Variants in DLC1 observed in about 807,000 individuals in gnomAD.
DLC1 encodes the protein DLC1 Rho GTPase activating protein, also known as rho GTPase-activating protein 7.
In DLC1, 54 loss-of-function variants were observed where a neutral mutation model predicts 140.3. The observed-to-expected ratio is 0.38, with a 90% confidence interval of 0.31 to 0.48. The LOEUF (loss-of-function observed/expected upper bound fraction) is 0.48, where lower values mean the gene tolerates loss of function less well. Ranked by LOEUF, DLC1 falls within the 20% of genes least tolerant of loss-of-function variation. The pLI, the probability that DLC1 is intolerant of heterozygous loss-of-function variation, is 0.96. For synonymous variants in DLC1, 986 were observed against 728.1 expected (o/e 1.35, Z -5.70); for missense variants, 2,536 against 1,907.0 (o/e 1.33, Z -6.14).
At chr8:13,142,370 A>G (rs1455731302) in intron 5 of DLC1, among the ~76,000 whole-genome samples, 1 of 152,214 alleles carries the variant, frequency 6.6e-6, no homozygotes, top group Non-Finnish European at 1.5e-5. Flanking sequence ...TTCCTGAACA[A>G]ACAGCTATTT....
intron 5 of DLC1, among the ~76,000 whole-genome samples, chr8:13,192,791 G>T (rs1826837505): frequency 6.6e-6 from 1 of 152,322 alleles, no homozygotes; most frequent in African/African-American, 2.4e-5. Flanking sequence ...TGCACAAAGG[G>T]ATGACCCTCT....
chr8:13,269,465 G>A (rs1442206395), intron 5 of DLC1, among the ~76,000 whole-genome samples: 1 of 152,044 alleles, frequency 6.6e-6, no homozygotes, highest in Non-Finnish European at 1.5e-5. Flanking sequence ...GGGCACAGTG[G>A]CTTGTGCCTG....
rs139875118 is a variant in DLC1, at chr8:13,110,392, C to G, written c.1502+350G>C. 1.4e-3 allele frequency among the ~76,000 whole-genome samples: 220 copies of G among 152,220 alleles called. 1 individual carries two copies. The highest frequency in any genetic ancestry group is 5.1e-3 in the African/African-American group (212 of 41,516). ...ATGATGCTCCTGTCTTTATATGCCA[C>G]CCCCCATTTATTCCTCTGAACATGC... On this transcript the variant is annotated intron_variant, in intron 7 of 17. Coordinates refer to ENST00000276297, the MANE Select transcript of DLC1 (RefSeq NM_182643.3).
At chr8:13,272,622 G>A (rs746621710) in intron 5 of DLC1, among the ~76,000 whole-genome samples, 2 of 152,142 alleles carry the variant, frequency 1.3e-5, no homozygotes, top group Non-Finnish European at 2.9e-5. Context: ...AGCACTTTGG[G>A]AGGCCGAGGC....
intron 2 of DLC1, among the ~76,000 whole-genome samples, chr8:13,430,628 C>A (rs542069426): frequency 1.2e-3 from 189 of 152,282 alleles, no homozygotes; most frequent in Non-Finnish European, 1.1e-3. Context: ...AACATAGTTT[C>A]TCCATTGAAC....
At chr8:13,151,235 G>GT (rs1563111839) in intron 5 of DLC1, among the ~76,000 whole-genome samples, 1 of 152,206 alleles carries the variant, frequency 6.6e-6, no homozygotes, top group Non-Finnish European at 1.5e-5. Context: ...TCCTCACTCT[G>GT]TCAATTTAAT....
At chr8:13,118,611 A>G (rs1452948231) in intron 5 of DLC1, among the ~76,000 whole-genome samples, 1 of 152,222 alleles carries the variant, frequency 6.6e-6, no homozygotes, top group East Asian at 1.9e-4. Flanking sequence ...AAAATGGAAT[A>G]CTTGTTGACC....
chr8:13,452,618 T>A (rs967279253), intron 2 of DLC1, among the ~76,000 whole-genome samples: 2 of 152,202 alleles, frequency 1.3e-5, no homozygotes, highest in African/African-American at 4.8e-5. Context: ...TTCAGTACAT[T>A]ATGATGATCT....
chr8:13,265,683 CTTCTTCCTTCCT>C (rs1321155247), intron 5 of DLC1, among the ~76,000 whole-genome samples: 2 of 151,426 alleles, frequency 1.3e-5, no homozygotes, highest in Non-Finnish European at 2.9e-5. Flanking sequence ...TCTTCCTTCT[CTTCTTCCTTCCT>C]TCCTCTCCTC....
chr8:13,471,802 C>G (rs574306773), intron 2 of DLC1, among the ~76,000 whole-genome samples: 1 of 152,120 alleles, frequency 6.6e-6, no homozygotes, highest in Non-Finnish European at 1.5e-5. Context: ...TGGAATGCTT[C>G]CTGGCAAATC....
At chr8:13,337,770 C>A (rs553482312) in intron 4 of DLC1, among the ~76,000 whole-genome samples, 24 of 152,042 alleles carry the variant, frequency 1.6e-4, no homozygotes, top group Non-Finnish European at 2.9e-4. Context: ...TGTTGTTTAA[C>A]AGGGATAGAT....
intron 5 of DLC1, among the ~76,000 whole-genome samples, chr8:13,221,739 T>C (rs907918355): frequency 2.1e-5 from 3 of 144,290 alleles, no homozygotes; most frequent in Admixed American, 1.4e-4. Context: ...TATATATATA[T>C]ATATATGATA....
At chr8:13,546,380 T>C (rs1472527480) in intron 1 of DLC1, among the ~76,000 whole-genome samples, 1 of 152,180 alleles carries the variant, frequency 6.6e-6, no homozygotes, top group Non-Finnish European at 1.5e-5. Flanking sequence ...TTTAATATGA[T>C]GAAATATTTT....
intron 5 of DLC1, among the ~76,000 whole-genome samples, chr8:13,258,757 AC>A (rs1367090455): frequency 1.3e-5 from 2 of 152,110 alleles, no homozygotes; most frequent in Non-Finnish European, 2.9e-5. Flanking sequence ...TCCTGTTTGT[AC>A]GGGGGTCTGT....
In DLC1 at chr8:13,100,508, C is replaced by A; in HGVS notation, c.1829G>T (p.Ser610Ile). 1 of 1,612,476 alleles carries A rather than the reference C, an allele frequency of 6.2e-7. No individual in the cohort carries two copies. Among genetic ancestry groups the A allele is most frequent in the East Asian group, 2.2e-5 (1 of 44,860 alleles). The change falls in exon 9 of 18, where the codon AGC becomes ATC. Residue 610 changes from serine to isoleucine, a missense_variant. Transcript: ENST00000276297. ...AGTCCGGGGGGTGGCAGCATCCTCG[C>A]TGGGGGGCGCGTGGCTGGGGAGGCT... is the stretch of plus-strand genomic sequence containing the variant. ...TGSLPSHAPPSEDAATPRTNS... is the reference protein window; with the variant it reads ...TGSLPSHAPPIEDAATPRTNS...
In DLC1 at chr8:13,499,702, C is replaced by T. The variant is rs768149183; in HGVS notation, c.370G>A (p.Asp124Asn). Reference sequence around the variant, plus strand: ...CCTTGGGTATTTAAAACCTGTTTATCATCTGTAAGGCATAAATCAGCATTG... The same window carrying T: ...CCTTGGGTATTTAAAACCTGTTTATTATCTGTAAGGCATAAATCAGCATTG... Reference protein sequence around the residue: ...DNNADLCLTDDKQVLNTQGQK... With the variant: ...DNNADLCLTDNKQVLNTQGQK... The change falls in exon 2 of 18, where the codon GAT becomes AAT. Residue 124 changes from aspartate (D) to asparagine (N), a missense_variant. Transcript: ENST00000276297. 6.2e-7 allele frequency: 1 copy of T among 1,614,160 alleles called. No individual in the cohort carries two copies. The highest frequency in any genetic ancestry group is 8.5e-7 in the Non-Finnish European group (1 of 1,180,008).
At chr8:13,137,023 T>C (rs1350203285) in intron 5 of DLC1, among the ~76,000 whole-genome samples, 1 of 152,212 alleles carries the variant, frequency 6.6e-6, no homozygotes, top group East Asian at 1.9e-4. Flanking sequence ...GCCACCATTA[T>C]TAGAACTAAA....
At chr8:13,297,429 T>A (rs2117487953) in intron 5 of DLC1, among the ~76,000 whole-genome samples, 1 of 152,072 alleles carries the variant, frequency 6.6e-6, no homozygotes, top group Non-Finnish European at 1.5e-5. Context: ...CACGTCTTGC[T>A]AAACCCCATA....
At chr8:13,573,975 C>T (rs922987442) in intron 1 of DLC1, among the ~76,000 whole-genome samples, 1 of 152,102 alleles carries the variant, frequency 6.6e-6, no homozygotes, top group Admixed American at 6.5e-5. Flanking sequence ...TAGCACAGTG[C>T]CTTACACGTG....
Sources: allele counts gnomAD v4.1 joint callset (sites outside exome capture counted in the v4.1 genomes callset), GRCh38; gene constraint gnomAD v4.1.1; transcripts MANE v1.5; gene names NCBI Gene and HGNC (gene_info 2026-07-23, HGNC 2026-07-21).